Variants in KSR2 observed in about 807,000 individuals in gnomAD.
KSR2 encodes the protein kinase suppressor of ras 2.
KSR2 carries 25 observed loss-of-function variants against 107.8 expected under a neutral mutation model. That is an observed-to-expected ratio of 0.23 (90% CI 0.17 to 0.32). KSR2 has a LOEUF of 0.32. Among genes scored for constraint, KSR2 ranks in the 10% least tolerant of loss-of-function variants. KSR2 has a pLI of 1.00. For synonymous variants in KSR2, 480 were observed against 507.0 expected (o/e 0.95, Z 0.71); for missense variants, 887 against 1,268.9 (o/e 0.70, Z 4.57).
chr12:117,495,419 A>C (rs1248205074), intron 14 of KSR2, among the ~76,000 whole-genome samples: 1 of 152,228 alleles, frequency 6.6e-6, no homozygotes, highest in Admixed American at 6.5e-5. Context: ...ACATGCCAGA[A>C]AGCAAGTGAG....
intron 14 of KSR2, among the ~76,000 whole-genome samples, chr12:117,495,226 T>G (rs1054696894): frequency 1.3e-5 from 2 of 152,202 alleles, no homozygotes; most frequent in African/African-American, 4.8e-5. Context: ...TCCCATGCTC[T>G]TTCCCCCTCC....
At chr12:117,937,634 A>G (rs1463888460) in intron 1 of KSR2, among the ~76,000 whole-genome samples, 1 of 152,014 alleles carries the variant, frequency 6.6e-6, no homozygotes, top group Admixed American at 6.6e-5. Flanking sequence ...GTTTAAAGAC[A>G]GGAAAATATG....
At chr12:117,918,681 G>A (rs562678673) in intron 1 of KSR2, among the ~76,000 whole-genome samples, 7 of 152,020 alleles carry the variant, frequency 4.6e-5, no homozygotes, top group Non-Finnish European at 7.4e-5. Flanking sequence ...CCAGCTACTC[G>A]GGAGGCTGAG....
At position 117,483,543 on chromosome 12, in the gene KSR2, C is replaced by CGA. The variant is rs575462719; in HGVS notation, c.2450+871_2450+872dup. On this transcript the variant is annotated intron_variant, in intron 16 of 19. Coordinates refer to ENST00000339824, the MANE Select transcript of KSR2 (RefSeq NM_173598.6). ...TTTAAAATGAGAGAGAGAGAGAGAG[C>CGA]GAGAGAGAGACAGCAAGAGAGAGAG... Among the ~76,000 whole-genome samples the CGA allele has an allele frequency of 2.7e-4, 41 of 149,636 alleles. 1 individual carries two copies. The South Asian group carries it at 8.5e-3, about 31-fold the overall frequency.
chr12:117,494,327 C>T (rs1872909145), intron 14 of KSR2, among the ~76,000 whole-genome samples: 1 of 152,212 alleles, frequency 6.6e-6, no homozygotes, highest in South Asian at 2.1e-4. Context: ...GGTGTTTAAA[C>T]ACTAGGCCAG....
intron 14 of KSR2, among the ~76,000 whole-genome samples, chr12:117,506,919 T>A (rs1449948742): frequency 6.6e-6 from 1 of 152,134 alleles, no homozygotes; most frequent in African/African-American, 2.4e-5. Context: ...ATTCACTGAA[T>A]CAGGATCTTT....
chr12:117,485,018 C>G (rs538247877), intron 15 of KSR2, among the ~76,000 whole-genome samples: 1 of 152,286 alleles, frequency 6.6e-6, no homozygotes, highest in East Asian at 1.9e-4. Flanking sequence ...AGGCCTCGTT[C>G]AAGGGCAAAC....
intron 3 of KSR2, among the ~76,000 whole-genome samples, chr12:117,844,624 T>C (rs80079698): frequency 0.032 from 4,877 of 151,822 alleles, 215 homozygotes; most frequent in East Asian, 0.1. Flanking sequence ...CATACTAACT[T>C]CTCCCAAATT....
At chr12:117,947,250 A>G (rs1593394639) in intron 1 of KSR2, among the ~76,000 whole-genome samples, 2 of 125,684 alleles carry the variant, frequency 1.6e-5, no homozygotes, top group African/African-American at 3.1e-5. Flanking sequence ...AGAAAGAAAG[A>G]AAGAAAGAAG....
intron 4 of KSR2, among the ~76,000 whole-genome samples, chr12:117,738,329 G>T (rs1167997253): frequency 6.6e-6 from 1 of 152,172 alleles, no homozygotes; most frequent in Non-Finnish European, 1.5e-5. Flanking sequence ...CGACAGGGAT[G>T]CATTCCAAGA....
chr12:117,820,445 C>T (rs573183709), intron 3 of KSR2, among the ~76,000 whole-genome samples: 6 of 152,300 alleles, frequency 3.9e-5, no homozygotes, highest in African/African-American at 1.4e-4. Context: ...ACCTGCGGAT[C>T]GTTTTCAGAG....
At chr12:117,630,050 G>T (rs1031389878) in intron 5 of KSR2, among the ~76,000 whole-genome samples, 2 of 152,178 alleles carry the variant, frequency 1.3e-5, no homozygotes, top group Non-Finnish European at 2.9e-5. Context: ...TCATGGACAG[G>T]CCAACAGGAC....
chr12:117,787,866 C>T (rs374893892), intron 3 of KSR2, among the ~76,000 whole-genome samples: 2 of 152,194 alleles, frequency 1.3e-5, no homozygotes, highest in East Asian at 1.9e-4. Flanking sequence ...ATAAACTACA[C>T]CACACCAGAA....
chr12:117,894,383 G>T (rs1169341280), intron 1 of KSR2, among the ~76,000 whole-genome samples: 2 of 152,056 alleles, frequency 1.3e-5, no homozygotes, highest in African/African-American at 4.8e-5. Context: ...AATATTATAT[G>T]GCTGGGCACA....
chr12:117,696,993 G>A (rs1293807039), intron 4 of KSR2, among the ~76,000 whole-genome samples: 2 of 152,040 alleles, frequency 1.3e-5, no homozygotes, highest in Non-Finnish European at 2.9e-5. Flanking sequence ...ACAGATGAGG[G>A]GACACCAGCT....
intron 3 of KSR2, among the ~76,000 whole-genome samples, chr12:117,814,007 T>G (rs1891288442): frequency 1.3e-5 from 2 of 152,282 alleles, no homozygotes; most frequent in African/African-American, 2.4e-5. Flanking sequence ...TTATATTAAG[T>G]GAAATAAGCT....
chr12:117,735,340 G>A (rs925594454), intron 4 of KSR2, among the ~76,000 whole-genome samples: 2 of 152,198 alleles, frequency 1.3e-5, no homozygotes, highest in Non-Finnish European at 2.9e-5. Flanking sequence ...GCAACCAAGT[G>A]ACATTCCCTC....
intron 5 of KSR2, among the ~76,000 whole-genome samples, chr12:117,625,373 T>C (rs1882423958): frequency 6.6e-6 from 1 of 152,176 alleles, no homozygotes; most frequent in South Asian, 2.1e-4. Context: ...TTGAGATACG[T>C]CCCATCATTA....
At chr12:117,528,916 T>A (rs562021044) in intron 12 of KSR2, among the ~76,000 whole-genome samples, 1 of 152,360 alleles carries the variant, frequency 6.6e-6, no homozygotes, top group South Asian at 2.1e-4. Flanking sequence ...CTCTGGACTG[T>A]CAGTTAATAA....
Sources: gnomAD v4.1 joint callset for allele counts (sites outside exome capture counted in the v4.1 genomes callset) on GRCh38, gnomAD v4.1.1 for gene constraint, MANE v1.5 for transcripts, NCBI Gene and HGNC (gene_info 2026-07-23, HGNC 2026-07-21) for gene names.